The following MEI4 variants were observed in gnomAD, a reference collection of about 807,000 sequenced individuals.
MEI4 encodes meiosis-specific protein MEI4.
MEI4 carries 27 observed loss-of-function variants against 31.4 expected under a neutral mutation model. The observed-to-expected ratio is 0.86, with a 90% CI of 0.63 to 1.19. MEI4 has a LOEUF of 1.19. Ranked by LOEUF, MEI4 falls within the 50% of genes most tolerant of loss-of-function variation. The pLI is 0.00. For synonymous variants in MEI4, 122 were observed against 145.4 expected (o/e 0.84, Z 1.16); for missense variants, 329 against 398.9 (o/e 0.82, Z 1.49).
At chr6:77,821,682 C>A (rs1356977833) in intron 3 of MEI4, among the ~76,000 whole-genome samples, 1 of 151,646 alleles carries the variant, frequency 6.6e-6, no homozygotes, top group Non-Finnish European at 1.5e-5. Flanking sequence ...GTACTTCCAG[C>A]TACTCAGGAG....
At chr6:77,775,652 TGTAA>T (rs1460436869) in intron 3 of MEI4, among the ~76,000 whole-genome samples, 1 of 152,142 alleles carries the variant, frequency 6.6e-6, no homozygotes, top group Non-Finnish European at 1.5e-5. Flanking sequence ...AACATGCATG[TGTAA>T]GTATTTTTTG....
intron 4 of MEI4, among the ~76,000 whole-genome samples, chr6:77,833,672 G>A (rs2127712641): frequency 6.6e-6 from 1 of 152,170 alleles, no homozygotes; most frequent in African/African-American, 2.4e-5. Flanking sequence ...TGAACATGAA[G>A]GTTTGTTACA....
At chr6:77,787,217 A>G (rs979927675) in intron 3 of MEI4, among the ~76,000 whole-genome samples, 2 of 152,160 alleles carry the variant, frequency 1.3e-5, no homozygotes, top group African/African-American at 4.8e-5. Flanking sequence ...ATTTTCTACT[A>G]GAGAAACAGC....
At chr6:77,737,295 G>C (rs1475999651) in intron 2 of MEI4, among the ~76,000 whole-genome samples, 2 of 152,318 alleles carry the variant, frequency 1.3e-5, no homozygotes, top group East Asian at 1.9e-4. Context: ...GTTTGGGAGA[G>C]GGAGGAGATT....
chr6:77,912,610 A>G (rs1380923206), intron 4 of MEI4, among the ~76,000 whole-genome samples: 3 of 152,010 alleles, frequency 2.0e-5, no homozygotes, highest in Admixed American at 2.0e-4. Context: ...ATCTTTCTCA[A>G]TAAGTTGGTT....
chr6:77,735,667 T>C (rs957701682), intron 2 of MEI4, among the ~76,000 whole-genome samples: 5 of 152,090 alleles, frequency 3.3e-5, no homozygotes, highest in Admixed American at 3.3e-4. Flanking sequence ...CTTTGTTCCA[T>C]TGCTGGTGAG....
At chr6:77,780,559 A>G (rs1336818117) in intron 3 of MEI4, among the ~76,000 whole-genome samples, 1 of 152,136 alleles carries the variant, frequency 6.6e-6, no homozygotes, top group African/African-American at 2.4e-5. Flanking sequence ...GACCCTGGCA[A>G]TGCAGCTGTT....
chr6:77,707,584 T>C (rs963980841), intron 2 of MEI4, among the ~76,000 whole-genome samples: 1 of 151,916 alleles, frequency 6.6e-6, no homozygotes, highest in Non-Finnish European at 1.5e-5. Flanking sequence ...TAAAAGGGAG[T>C]CAAGTGCTAC....
At chr6:77,909,998 A>T (rs1052013239) in intron 4 of MEI4, among the ~76,000 whole-genome samples, 1 of 152,132 alleles carries the variant, frequency 6.6e-6, no homozygotes, top group Non-Finnish European at 1.5e-5. Context: ...GCCTTTGACA[A>T]AATTCAACAA....
At chr6:77,736,118 C>T (rs1361822562) in intron 2 of MEI4, among the ~76,000 whole-genome samples, 1 of 152,078 alleles carries the variant, frequency 6.6e-6, no homozygotes, top group Non-Finnish European at 1.5e-5. Flanking sequence ...GAGGTGGAGC[C>T]TACAGAGGCA....
chr6:77,744,459 T>C (rs1455705381), intron 2 of MEI4, among the ~76,000 whole-genome samples: 1 of 150,226 alleles, frequency 6.7e-6, no homozygotes, highest in East Asian at 1.9e-4. Flanking sequence ...CCGAGAAATA[T>C]GGGACTATGC....
intron 3 of MEI4, among the ~76,000 whole-genome samples, chr6:77,772,665 A>G (rs1561982791): frequency 6.6e-6 from 1 of 152,046 alleles, no homozygotes; most frequent in Non-Finnish European, 1.5e-5. Flanking sequence ...CTGGAAGACA[A>G]CAAGGATATG....
At chr6:77,817,116 T>A (rs1473391833) in intron 3 of MEI4, among the ~76,000 whole-genome samples, 1 of 152,154 alleles carries the variant, frequency 6.6e-6, no homozygotes, top group Non-Finnish European at 1.5e-5. Context: ...ATTCTTATTA[T>A]ACACATATTA....
At chr6:77,769,412 T>C (rs1291754106) in intron 3 of MEI4, among the ~76,000 whole-genome samples, 2 of 152,090 alleles carry the variant, frequency 1.3e-5, no homozygotes, top group African/African-American at 2.4e-5. Context: ...TAAATAAACA[T>C]GAAAGGCAAC....
chr6:77,735,714 T>C (rs973460870), intron 2 of MEI4, among the ~76,000 whole-genome samples: 1 of 152,066 alleles, frequency 6.6e-6, no homozygotes, highest in Admixed American at 6.5e-5. Context: ...GGTGCTCTGA[T>C]TTTTAGAGTT....
intron 3 of MEI4, among the ~76,000 whole-genome samples, chr6:77,782,925 A>G (rs2127691761): frequency 6.6e-6 from 1 of 152,288 alleles, no homozygotes; most frequent in Non-Finnish European, 1.5e-5. Flanking sequence ...CAACCATTTA[A>G]ATTAACTTTA....
chr6:77,917,480 G>T (rs959092112), intron 4 of MEI4, among the ~76,000 whole-genome samples: 4 of 149,814 alleles, frequency 2.7e-5, no homozygotes, highest in African/African-American at 9.9e-5. Context: ...GTGTGAGATG[G>T]TATCTCATTG....
chr6:77,769,986 G>T (rs1271822743), intron 3 of MEI4, among the ~76,000 whole-genome samples: 3 of 151,750 alleles, frequency 2.0e-5, no homozygotes, highest in East Asian at 2.0e-4. Flanking sequence ...AAGAGTAAAG[G>T]GGTCTTTATC....
At chr6:77,734,787 C>T (rs982417751) in intron 2 of MEI4, among the ~76,000 whole-genome samples, 76 of 151,782 alleles carry the variant, frequency 5.0e-4, no homozygotes, top group Non-Finnish European at 9.4e-4. Context: ...TGTTCCTTTC[C>T]GTGTTTAGCG....
Sources: allele counts gnomAD v4.1 joint callset (sites outside exome capture counted in the v4.1 genomes callset), GRCh38; gene constraint gnomAD v4.1.1; transcripts MANE v1.5; gene names NCBI Gene and HGNC (gene_info 2026-07-23, HGNC 2026-07-21).